The following RAPH1 variants were observed in gnomAD, a reference collection of about 807,000 sequenced individuals.
RAPH1 encodes ras-associated and pleckstrin homology domains-containing protein 1.
RAPH1 carries 18 observed loss-of-function variants against 88.1 expected under a neutral mutation model. The ratio of observed to expected loss-of-function variants is 0.20; its 90% CI spans 0.14 to 0.30. The LOEUF is 0.30. Ranked by LOEUF, RAPH1 falls within the 10% of genes least tolerant of loss-of-function variation. The pLI is 1.00. For missense variants in RAPH1, 1,448 were observed against 1,543.2 expected (o/e 0.94, Z 1.03); for synonymous variants, 587 against 559.0 (o/e 1.05, Z -0.71).
intron 10 of RAPH1, among the ~76,000 whole-genome samples, chr2:203,453,501 G>A (rs2098516498): frequency 2.4e-5 from 3 of 122,870 alleles, no homozygotes; most frequent in Admixed American, 2.1e-4. Flanking sequence ...AGCTGTGATT[G>A]TGCCACTGCA....
At chr2:203,443,242 A>T (rs1296804858) in intron 13 of RAPH1, 1 of 152,216 alleles carries the variant, frequency 6.6e-6, no homozygotes, top group African/African-American at 2.4e-5. Flanking sequence ...TAAGTGATTC[A>T]GACCAAAAGC....
At chr2:203,442,268 G>T (rs1218362310) in intron 13 of RAPH1, 1 of 492,264 alleles carries the variant, frequency 2.0e-6, no homozygotes, top group Admixed American at 4.2e-5. Context: ...ATCACATCTG[G>T]TAGTTTATTT....
At chr2:203,497,765 G>A (rs1187652905) in intron 1 of RAPH1, among the ~76,000 whole-genome samples, 1 of 152,098 alleles carries the variant, frequency 6.6e-6, no homozygotes, top group Non-Finnish European at 1.5e-5. Context: ...ATTCATAAAT[G>A]TGATTCTTAA....
chr2:203,495,345 C>A lies in RAPH1; in HGVS notation c.9G>T (p.Gln3His), dbSNP rs1010409446. 1 of 1,613,812 alleles carries A rather than the reference C, an allele frequency of 6.2e-7. No individual in the cohort carries two copies. Among genetic ancestry groups the A allele is most frequent in the Non-Finnish European group, 8.5e-7 (1 of 1,179,950 alleles). Reference protein sequence around the residue: MEQLSDEEIDHGA... With the variant: MEHLSDEEIDHGA... ...CATGATCAATTTCTTCATCTGATAGCTGCTCCATCTGAAATACAGACATTT... is the reference window on the plus strand; with the variant it reads ...CATGATCAATTTCTTCATCTGATAGATGCTCCATCTGAAATACAGACATTT... The change falls in exon 2 of 14, where the codon CAG (glutamine) becomes CAT (histidine). Residue 3 changes from glutamine to histidine, a missense_variant. Coordinates refer to ENST00000319170, the MANE Select transcript of RAPH1 (RefSeq NM_213589.3).
Position 203,440,048 on chromosome 2 carries a change from C to T in RAPH1, c.3142G>A (p.Ala1048Thr). The T allele has an allele frequency of 6.2e-7, 1 of 1,613,624 alleles. No homozygotes were observed. The highest frequency in any genetic ancestry group is 8.5e-7 in the Non-Finnish European group (1 of 1,179,996). The stretch of plus-strand genomic sequence containing the variant: ...CGCCCACTCAGAACAGGGGCTTTTG[C>T]TGACACACACCCTTGTTGGAGAACT... The part of the protein sequence containing the change: ...PGVLQQGCVS[A>T]KAPVLSGRGK... Residue 1048 changes from alanine (A) to threonine (T), a missense_variant, in exon 14 of 14, where the codon GCA becomes ACA. Transcript: ENST00000319170.
At chr2:203,485,248 A>C (rs958860094) in intron 4 of RAPH1, among the ~76,000 whole-genome samples, 1 of 152,024 alleles carries the variant, frequency 6.6e-6, no homozygotes, top group Non-Finnish European at 1.5e-5. Flanking sequence ...CACTAAAAAA[A>C]AGAAATACAA....
intron 1 of RAPH1, among the ~76,000 whole-genome samples, chr2:203,530,066 T>A (rs1197027900): frequency 6.6e-6 from 1 of 152,216 alleles, no homozygotes; most frequent in Non-Finnish European, 1.5e-5. Flanking sequence ...ACAGTATGCA[T>A]TTTATTAAGA....
chr2:203,532,211 G>C (rs767677244), intron 1 of RAPH1, among the ~76,000 whole-genome samples: 1 of 152,108 alleles, frequency 6.6e-6, no homozygotes, highest in Non-Finnish European at 1.5e-5. Flanking sequence ...TTTTGTTTTT[G>C]AACAGGGTCT....
At position 203,470,135 on chromosome 2, in the gene RAPH1, A is replaced by G. The variant is rs1334550714; in HGVS notation, c.733-8210T>C. 2.1e-5 allele frequency: 15 copies of G among 705,294 alleles called. No homozygotes were observed. In the East Asian group the frequency reaches 4.1e-4, roughly 19 times the overall value. The allele number at this position is 705,294 out of a possible 1,614,324, so 43.7% of individuals were successfully genotyped here. A position where few individuals can be genotyped will look rare whatever the true frequency, so the allele number is the denominator to read the frequency against. On this transcript the variant is annotated intron_variant, in intron 4 of 13. Coordinates refer to ENST00000319170, the MANE Select transcript of RAPH1 (RefSeq NM_213589.3). ...AAGAAAAAGTATATTAATGACAAAG[A>G]TGCTAGAGTAAGAAAATAATAATAT...
intron 1 of RAPH1, among the ~76,000 whole-genome samples, chr2:203,525,783 A>T (rs897716641): frequency 1.3e-5 from 2 of 152,090 alleles, no homozygotes; most frequent in African/African-American, 4.8e-5. Context: ...TCTCAGAAAA[A>T]CAAAACAAAA....
In RAPH1 at chr2:203,434,108, A is replaced by G. The variant is rs1430116471; in HGVS notation, c.*5329T>C. ...TTTGCACAATCAGGGAGCAAGGCAC[A>G]TAATGAAATGAGCATACATTTATGC... On this transcript the variant is annotated 3_prime_UTR_variant, in exon 14 of 14. Transcript: ENST00000319170. 2.6e-5 allele frequency: 4 copies of G among 152,126 alleles called. No homozygotes were observed. Among genetic ancestry groups the G allele is most frequent in the African/African-American group, 4.8e-5 (2 of 41,314 alleles). The allele number at this position is 152,126 out of a possible 1,614,324, so 9.4% of individuals were successfully genotyped here.
At chr2:203,479,806 A>T (rs1332716473) in intron 4 of RAPH1, among the ~76,000 whole-genome samples, 1 of 152,148 alleles carries the variant, frequency 6.6e-6, no homozygotes, top group Non-Finnish European at 1.5e-5. Flanking sequence ...CATGAATAAA[A>T]AGGGATTATA....
chr2:203,460,006 T>G lies in RAPH1; in HGVS notation c.993A>C (p.Glu331Asp). 1 of 1,608,880 alleles carries G rather than the reference T, an allele frequency of 6.2e-7. No individual in the cohort carries two copies. Residue 331 changes from glutamate to aspartate, a missense_variant, in exon 7 of 14, where the codon GAA (glutamate) becomes GAC (aspartate). Coordinates refer to ENST00000319170, the MANE Select transcript of RAPH1 (RefSeq NM_213589.3). Reference sequence around the variant, plus strand: ...AATTAAGAAGATTTTCAACCAAGTTTTCATGGTCTTCAAAGATTCTCTCTG... The same window carrying G: ...AATTAAGAAGATTTTCAACCAAGTTGTCATGGTCTTCAAAGATTCTCTCTG... ...LQMERIFEDH[E>D]NLVENLLNWT...
intron 7 of RAPH1, among the ~76,000 whole-genome samples, chr2:203,458,856 G>A (rs1034115822): frequency 2.0e-5 from 3 of 151,808 alleles, no homozygotes; most frequent in East Asian, 1.9e-4. Context: ...TCCGACTCCC[G>A]GATTCACACC....
rs2098518797 is a variant in RAPH1 at position 203,455,689 on chromosome 2, T to C, written c.1159-109A>G. The stretch of plus-strand genomic sequence containing the variant: ...CAGTTATTAAACCAAAATGGTTTTA[T>C]ATTAAAACCAAGCTGCTAATTTAAC... On this transcript the variant is annotated intron_variant, in intron 8 of 13. Coordinates refer to ENST00000319170, the MANE Select transcript of RAPH1 (RefSeq NM_213589.3). The C allele has an allele frequency of 5.8e-6, 6 of 1,030,006 alleles. No homozygotes were observed. In the South Asian group the frequency reaches 8.0e-5, roughly 14 times the overall value. 63.8% of individuals were successfully genotyped at this position (1,030,006 alleles called of 1,614,324 possible). A position where few individuals can be genotyped will look rare whatever the true frequency, so the allele number is the denominator to read the frequency against.
chr2:203,475,275 C>T (rs1395880582), intron 4 of RAPH1, among the ~76,000 whole-genome samples: 2 of 151,912 alleles, frequency 1.3e-5, no homozygotes, highest in Admixed American at 6.6e-5. Context: ...GGCGAGGTGG[C>T]GGGTGCCTGT....
intron 4 of RAPH1, among the ~76,000 whole-genome samples, chr2:203,478,326 G>A (rs1219031847): frequency 6.6e-6 from 1 of 151,966 alleles, no homozygotes; most frequent in African/African-American, 2.4e-5. Context: ...GAGCCACTGA[G>A]CCCGGCTTGT....
At position 203,441,424 on chromosome 2, in the gene RAPH1, T is replaced by C. The variant is rs1388414325; in HGVS notation, c.1777-11A>G. ...AGACTCCATTCTGGCCTAAAAGGAGTATAAAAAGGGAGTGGGAGAGAGAAA... is the reference window on the plus strand; with the variant it reads ...AGACTCCATTCTGGCCTAAAAGGAGCATAAAAAGGGAGTGGGAGAGAGAAA... On this transcript the variant is annotated splice_polypyrimidine_tract_variant and intron_variant, in intron 13 of 13. Coordinates refer to ENST00000319170, the MANE Select transcript of RAPH1 (RefSeq NM_213589.3). 6.6e-7 allele frequency: 1 copy of C among 1,519,680 alleles called. No individual in the cohort carries two copies. The highest frequency in any genetic ancestry group is 8.8e-7 in the Non-Finnish European group (1 of 1,138,126). The allele number at this position is 1,519,680 out of a possible 1,614,324, so 94.1% of individuals were successfully genotyped here.
intron 4 of RAPH1, among the ~76,000 whole-genome samples, chr2:203,487,151 C>G (rs1688008405): frequency 6.6e-6 from 1 of 152,140 alleles, no homozygotes; most frequent in Non-Finnish European, 1.5e-5. Flanking sequence ...TTAGAAGATC[C>G]TTAATGATTA....
Sources: gnomAD v4.1 joint callset for allele counts (sites outside exome capture counted in the v4.1 genomes callset) on GRCh38, gnomAD v4.1.1 for gene constraint, MANE v1.5 for transcripts, NCBI Gene and HGNC (gene_info 2026-07-23, HGNC 2026-07-21) for gene names.